The following TMCO4 variants were observed in gnomAD, a reference collection of about 807,000 sequenced individuals.
TMCO4 encodes the protein transmembrane and coiled-coil domain-containing protein 4.
A neutral mutation model predicts 64.7 loss-of-function variants in TMCO4; 58 were observed. That is an observed-to-expected ratio of 0.90 (90% CI 0.73 to 1.12). The LOEUF (loss-of-function observed/expected upper bound fraction) is 1.12, where lower values mean the gene tolerates loss of function less well. Among genes scored for constraint, TMCO4 ranks in the 50% most tolerant of loss-of-function variants. The pLI is 0.00. For missense variants in TMCO4, 780 were observed against 825.9 expected (o/e 0.94, Z 0.68); for synonymous variants, 325 against 346.1 (o/e 0.94, Z 0.68).
intron 2 of TMCO4, among the ~76,000 whole-genome samples, chr1:19,797,596 C>A (rs2044370383): frequency 6.6e-6 from 1 of 151,996 alleles, no homozygotes; most frequent in South Asian, 2.1e-4. Context: ...CAAGGCCAGG[C>A]GCGGTGGCTC....
chr1:19,796,006 G>T (rs774802456), intron 2 of TMCO4, among the ~76,000 whole-genome samples: 1 of 152,142 alleles, frequency 6.6e-6, no homozygotes, highest in Non-Finnish European at 1.5e-5. Flanking sequence ...ACCACCTCGG[G>T]CCTCAGCTCA....
rs561276139 is a variant in TMCO4, at chr1:19,787,563, A to G, written c.-100-446T>C. Among the ~76,000 whole-genome samples, 37 of 152,318 alleles carry G rather than the reference A, an allele frequency of 2.4e-4. No homozygotes were observed. In the South Asian group the frequency reaches 6.4e-3, roughly 26 times the overall value. On this transcript the variant is annotated intron_variant, in intron 2 of 15. Transcript: ENST00000294543. ...GCTTAAGCAAGAGCTAGATTTTCCT[A>G]TATTTCTCCCTAAAGGCACTCCCTT...
intron 6 of TMCO4, among the ~76,000 whole-genome samples, chr1:19,768,719 G>C (rs897272897): frequency 2.6e-5 from 4 of 152,128 alleles, no homozygotes; most frequent in Admixed American, 6.5e-5. Context: ...GGATACACTA[G>C]GCCCAAACAC....
intron 15 of TMCO4, among the ~76,000 whole-genome samples, chr1:19,690,343 C>T (rs977451773): frequency 1.3e-5 from 2 of 152,204 alleles, no homozygotes; most frequent in South Asian, 2.1e-4. Context: ...AATACACCAC[C>T]GTCTATTGGG....
intron 6 of TMCO4, among the ~76,000 whole-genome samples, chr1:19,768,070 C>A (rs528745980): frequency 1.4e-5 from 2 of 141,124 alleles, no homozygotes; most frequent in Admixed American, 7.5e-5. Context: ...TCCAGCCTGG[C>A]GGACAAGAGC....
Position 19,747,776 on chromosome 1 carries a change from G to C in TMCO4, c.516-516C>G, listed in dbSNP as rs1420637088. 2.6e-5 allele frequency among the ~76,000 whole-genome samples: 4 copies of C among 152,312 alleles called. No homozygotes were observed. In the South Asian group the frequency reaches 6.2e-4, roughly 24 times the overall value. ...GTTCAGACTTGAAATGGAAATGCTA[G>C]AAAATCTAGCAAAAGGAAAACATTT... On this transcript the variant is annotated intron_variant, in intron 7 of 15. Coordinates refer to ENST00000294543, the MANE Select transcript of TMCO4 (RefSeq NM_181719.7).
rs773073638 is a variant in TMCO4, at chr1:19,746,553, C to G, written c.660G>C (p.Ala220=). The change falls in exon 9 of 16, where the codon GCG becomes GCC. Residue 220 remains alanine (A), a synonymous_variant. Transcript: ENST00000294543. ...LAAPLVAAGA[A]TIIGSAGAAA... ...CTGCCCCGGCGCTGCCAATAATCGT[C>G]GCTGCTCCAGCGGCAACAAGGGGTG... 1 of 1,611,306 alleles carries G rather than the reference C, an allele frequency of 6.2e-7. No homozygotes were observed. The highest frequency in any genetic ancestry group is 8.5e-7 in the Non-Finnish European group (1 of 1,178,862).
intron 13 of TMCO4, among the ~76,000 whole-genome samples, chr1:19,724,543 A>C (rs1030307569): frequency 6.6e-6 from 1 of 152,222 alleles, no homozygotes; most frequent in Non-Finnish European, 1.5e-5. Flanking sequence ...AAAACAGGCA[A>C]AGCCCTTAGC....
chr1:19,787,736 C>A (rs1040340580), intron 2 of TMCO4, among the ~76,000 whole-genome samples: 1 of 152,126 alleles, frequency 6.6e-6, no homozygotes, highest in Non-Finnish European at 1.5e-5. Flanking sequence ...TGAGCTTCAT[C>A]CTTAGTGCCA....
At chr1:19,683,681 C>A (rs12027911) in intron 15 of TMCO4, among the ~76,000 whole-genome samples, 2 of 150,096 alleles carry the variant, frequency 1.3e-5, no homozygotes, top group African/African-American at 4.9e-5. Context: ...TCTAAAAAAT[C>A]TGGATCCTTT....
At chr1:19,695,405 G>A (rs2095229608) in intron 14 of TMCO4, among the ~76,000 whole-genome samples, 1 of 152,226 alleles carries the variant, frequency 6.6e-6, no homozygotes, top group Non-Finnish European at 1.5e-5. Context: ...CTCGGGCCTT[G>A]CCGCCCAGCA....
intron 7 of TMCO4, among the ~76,000 whole-genome samples, chr1:19,750,691 A>G (rs2041990043): frequency 6.6e-6 from 1 of 151,802 alleles, no homozygotes; most frequent in Admixed American, 6.6e-5. Context: ...TCACTTCCTC[A>G]CTGACACATC....
intron 2 of TMCO4, among the ~76,000 whole-genome samples, chr1:19,792,154 G>A (rs972323040): frequency 1.3e-5 from 2 of 152,108 alleles, no homozygotes; most frequent in African/African-American, 2.4e-5. Context: ...TCTCGGGTAC[G>A]TCTTCATCAG....
At chr1:19,737,138 G>A (rs573454820) in intron 13 of TMCO4, among the ~76,000 whole-genome samples, 1 of 152,200 alleles carries the variant, frequency 6.6e-6, no homozygotes, top group East Asian at 1.9e-4. Flanking sequence ...ACAAAAGCCA[G>A]TGTCATTATT....
chr1:19,683,140 G>A lies in TMCO4; in HGVS notation c.1805C>T (p.Pro602Leu), dbSNP rs2095115837. ...EGASLPAAAS[P>L]ERPPICSHGM... Reference sequence around the variant, plus strand: ...ATGGCTGCAGATGGGGGGCCTTTCAGGGCTGGCAGCAGCAGGAAGGGAGGC... The same window carrying A: ...ATGGCTGCAGATGGGGGGCCTTTCAAGGCTGGCAGCAGCAGGAAGGGAGGC... Residue 602 changes from proline to leucine, a missense_variant, in exon 16 of 16, where the codon CCT becomes CTT. Transcript: ENST00000294543. 1.9e-6 allele frequency: 3 copies of A among 1,614,026 alleles called. No individual in the cohort carries two copies. Among genetic ancestry groups the A allele is most frequent in the African/African-American group, 2.7e-5 (2 of 75,078 alleles).
intron 13 of TMCO4, among the ~76,000 whole-genome samples, chr1:19,733,072 C>G (rs1252775023): frequency 6.6e-6 from 1 of 152,050 alleles, no homozygotes; most frequent in Non-Finnish European, 1.5e-5. Context: ...TTGGGACCAG[C>G]CTGGCCAACA....
chr1:19,714,562 C>T (rs2095346766), intron 13 of TMCO4, among the ~76,000 whole-genome samples: 1 of 152,158 alleles, frequency 6.6e-6, no homozygotes, highest in Admixed American at 6.5e-5. Flanking sequence ...TTTACAGCTA[C>T]TCATACATGG....
At chr1:19,792,731 TC>T (rs1316198585) in intron 2 of TMCO4, among the ~76,000 whole-genome samples, 1 of 148,990 alleles carries the variant, frequency 6.7e-6, no homozygotes. Flanking sequence ...GCCTTTCTTT[TC>T]CCCCTTGGAG....
At chr1:19,761,642 G>A (rs1466508504) in intron 6 of TMCO4, among the ~76,000 whole-genome samples, 1 of 152,236 alleles carries the variant, frequency 6.6e-6, no homozygotes, top group Non-Finnish European at 1.5e-5. Flanking sequence ...TTAGAGTTTA[G>A]GGAACATCAA....
Sources: gnomAD v4.1 joint callset for allele counts (sites outside exome capture counted in the v4.1 genomes callset) on GRCh38, gnomAD v4.1.1 for gene constraint, MANE v1.5 for transcripts, NCBI Gene and HGNC (gene_info 2026-07-23, HGNC 2026-07-21) for gene names.